Variants in RALGDS observed in about 807,000 individuals in gnomAD.
The protein encoded by RALGDS is ral guanine nucleotide dissociation stimulator, also known as ral guanine nucleotide exchange factor.
RALGDS carries 44 observed loss-of-function variants against 99.8 expected under a neutral mutation model. The ratio of observed to expected loss-of-function variants is 0.44; its 90% CI spans 0.35 to 0.57. RALGDS has a LOEUF of 0.57. Ranked by LOEUF, RALGDS falls within the 20% of genes least tolerant of loss-of-function variation. The pLI is 0.01. For missense variants in RALGDS, 1,022 were observed against 1,203.1 expected (o/e 0.85, Z 2.23); for synonymous variants, 529 against 505.0 (o/e 1.05, Z -0.64).
At chr9:133,102,663 G>A in intron 13 of RALGDS, 92 bp from the exon 14 acceptor site, 1 of 1,604,660 alleles carries the variant, frequency 6.2e-7, no homozygotes. Flanking sequence ...GGGTGCCCCG[G>A]CCATCCTCAG....
At position 133,107,165 on chromosome 9, in the gene RALGDS, T is replaced by C. The variant is rs1434336316; in HGVS notation, c.1333A>G (p.Ile445Val). The part of the protein sequence containing the change: ...TQFNSVANCV[I>V]TTCLGNRSTK... Reference sequence around the variant, plus strand: ...CTTCGGTTCCCGAGGCAGGTGGTGATGACACAGTTGGCCACACTGTTGAAC... The same window carrying C: ...CTTCGGTTCCCGAGGCAGGTGGTGACGACACAGTTGGCCACACTGTTGAAC... The change falls in exon 7 of 18, where the codon ATC becomes GTC. Residue 445 changes from isoleucine to valine, a missense_variant. Transcript: ENST00000372050. 6.2e-7 allele frequency: 1 copy of C among 1,613,748 alleles called. No individual in the cohort carries two copies. The highest frequency in any genetic ancestry group is 1.7e-5 in the Admixed American group (1 of 60,034).
At chr9:133,135,913 A>G (rs1832417308), upstream of RALGDS, among the ~76,000 whole-genome samples, 1 of 152,244 alleles carries the variant, frequency 6.6e-6, no homozygotes, top group Non-Finnish European at 1.5e-5. Context: ...ATACTTCTGT[A>G]AAATGCAGGT....
At chr9:133,129,853 TCGCCCAGG>T (rs1832281273) in intron 1 of RALGDS, among the ~76,000 whole-genome samples, 1 of 150,550 alleles carries the variant, frequency 6.6e-6, no homozygotes, top group East Asian at 2.0e-4. Context: ...TCTCGCTCTG[TCGCCCAGG>T]CTGGAGTGCA....
At chr9:133,141,451 G>A (rs1393238800) in intron 1 of RALGDS, among the ~76,000 whole-genome samples, 1 of 96,298 alleles carries the variant, frequency 1.0e-5, no homozygotes, top group South Asian at 2.7e-4. Context: ...GCCCCTATGG[G>A]AGCCCAAGGG....
Position 133,102,894 on chromosome 9 carries a change from C to T in RALGDS, c.1798G>A (p.Glu600Lys), listed in dbSNP as rs1468529104. 1.9e-6 allele frequency: 3 copies of T among 1,613,274 alleles called. No homozygotes were observed. Among genetic ancestry groups the T allele is most frequent in the South Asian group, 1.1e-5 (1 of 90,908 alleles). ...INFEKRRKEF[E>K]VIAQIKLLQS... ...AGCAGCTTGATCTGGGCGATCACCT[C>T]GAACTCCTGGGGCCAGAGGGAAGCA... The change falls in exon 13 of 18, where the codon GAG (glutamate) becomes AAG (lysine). Residue 600 changes from glutamate (E) to lysine (K), a missense_variant. This residue lies in a region of RALGDS where 825 missense variants were observed against 994.5 expected (regional missense o/e 0.83). Coordinates refer to ENST00000372050, the MANE Select transcript of RALGDS (RefSeq NM_006266.4).
Position 133,101,543 on chromosome 9 carries a change from C to T in RALGDS, c.2431G>A (p.Gly811Ser). ...ACCAGGATGCTCTTGTACATGTTGCCATTGTCCACGTCCAGGCTGACGCGG... is the reference window on the plus strand; with the variant it reads ...ACCAGGATGCTCTTGTACATGTTGCTATTGTCCACGTCCAGGCTGACGCGG... ...IIRVSLDVDNGNMYKSILVTS... is the reference protein window; with the variant it reads ...IIRVSLDVDNSNMYKSILVTS... The change falls in exon 16 of 18, where the codon GGC (glycine) becomes AGC (serine). Residue 811 changes from glycine (G) to serine (S), a missense_variant. By Grantham distance (56) the Gly-to-Ser change is moderately conservative. Around this residue, in one of 3 missense-constraint regions of RALGDS, gnomAD observed 825 missense variants for 994.5 expected, o/e 0.83. Coordinates refer to ENST00000372050, the MANE Select transcript of RALGDS (RefSeq NM_006266.4). The T allele has an allele frequency of 1.9e-6, 3 of 1,612,334 alleles. No homozygotes were observed. The highest frequency in any genetic ancestry group is 2.2e-5 in the East Asian group (1 of 44,888).
chr9:133,115,778 G>T (rs1387486121), intron 1 of RALGDS, among the ~76,000 whole-genome samples: 1 of 152,234 alleles, frequency 6.6e-6, no homozygotes, highest in Non-Finnish European at 1.5e-5. Context: ...AAACTTGTCT[G>T]AGGCCTGCCT....
rs374048075 is a variant in RALGDS at position 133,108,935 on chromosome 9, C to T, written c.585-69G>A. 1.0e-4 allele frequency: 147 copies of T among 1,461,410 alleles called. 1 individual carries two copies. The highest frequency in any genetic ancestry group is 5.8e-4 in the East Asian group (24 of 41,274). 90.5% of individuals were successfully genotyped at this position (1,461,410 alleles called of 1,614,324 possible). A position where few individuals can be genotyped will look rare whatever the true frequency, so the allele number is the denominator to read the frequency against. On this transcript the variant is annotated intron_variant, in intron 4 of 17. Transcript: ENST00000372050. ...CCTGAGCCAGGCTGGGCTCCTGAGC[C>T]GGCCCCTGTCCATCTGAAGGCCACC...
intron 1 of RALGDS, among the ~76,000 whole-genome samples, chr9:133,146,089 G>A (rs1052649575): frequency 6.6e-6 from 1 of 152,230 alleles, no homozygotes; most frequent in Non-Finnish European, 1.5e-5. Context: ...TGAACGGGTT[G>A]AAAATGAAGC....
upstream of RALGDS, among the ~76,000 whole-genome samples, chr9:133,124,677 C>T (rs1430921738): frequency 6.6e-6 from 1 of 152,204 alleles, no homozygotes; most frequent in African/African-American, 2.4e-5. Context: ...TGCCCAATGC[C>T]CTCAGATCGG....
Position 133,101,706 on chromosome 9 carries a change from G to A in RALGDS, c.2268C>T (p.Ser756=), listed in dbSNP as rs868721846. The A allele has an allele frequency of 6.2e-7, 1 of 1,613,994 alleles. No individual in the cohort carries two copies. Among genetic ancestry groups the A allele is most frequent in the Non-Finnish European group, 8.5e-7 (1 of 1,179,970 alleles). The change falls in exon 16 of 18, where the codon TCC becomes TCT. Residue 756 remains serine (S), a synonymous_variant. Coordinates refer to ENST00000372050, the MANE Select transcript of RALGDS (RefSeq NM_006266.4). ...AGGCTGAGGAGGACGAGGTGCTGCT[G>A]GAGGCTGAGCTGATGCCGGAGGTCT... ...SPETSGISSA[S]SSTSSSSAST...
chr9:133,130,146 A>G (rs1391489283), intron 1 of RALGDS, among the ~76,000 whole-genome samples: 1 of 151,850 alleles, frequency 6.6e-6, no homozygotes, highest in African/African-American at 2.4e-5. Context: ...TAATTTTTGT[A>G]TTTTTAGTAG....
At chr9:133,139,756 C>T (rs1381659984) in intron 1 of RALGDS, among the ~76,000 whole-genome samples, 2 of 152,226 alleles carry the variant, frequency 1.3e-5, no homozygotes, top group Non-Finnish European at 2.9e-5. Flanking sequence ...GGTGGGCCAT[C>T]GGCCATCTCC....
intron 1 of RALGDS, among the ~76,000 whole-genome samples, chr9:133,120,421 T>TCCC (rs1564244935): frequency 1.5e-5 from 1 of 64,714 alleles, no homozygotes; most frequent in African/African-American, 5.7e-5. Context: ...CTCCACCCCA[T>TCCC]CCCCCGACCC....
intron 10 of RALGDS, 55 bp from the exon 11 acceptor site, chr9:133,103,888 G>GC: frequency 6.5e-7 from 1 of 1,533,964 alleles, no homozygotes; most frequent in Non-Finnish European, 9.0e-7. Context: ...GGCTTTCTCA[G>GC]CCCCCAGCCC....
intron 1 of RALGDS, among the ~76,000 whole-genome samples, chr9:133,141,102 C>A (rs1832513534): frequency 6.6e-6 from 1 of 151,306 alleles, no homozygotes; most frequent in African/African-American, 2.4e-5. Flanking sequence ...GACCCAGGGT[C>A]ACACAGTGAG....
chr9:133,110,533 C>A (rs750415184), intron 2 of RALGDS, 44 bp from the exon 3 acceptor site: 7 of 1,541,728 alleles, frequency 4.5e-6, no homozygotes, highest in African/African-American at 1.4e-5. Flanking sequence ...TGGCAGCACA[C>A]GAATCTCCTG....
chr9:133,108,195 CGCTGGA>C lies in RALGDS; in HGVS notation c.984_989del (p.Pro331_Ala332del). 2 of 1,613,276 alleles carry C rather than the reference CGCTGGA, an allele frequency of 1.2e-6. No individual in the cohort carries two copies. The highest frequency in any genetic ancestry group is 2.2e-5 in the South Asian group (2 of 91,018). On this transcript the variant is annotated inframe_deletion, in exon 6 of 18. Transcript: ENST00000372050. ...GAGCTGGCTCTAGTTCCAGAGCTGG[CGCTGGA>C]GCCGATTCTAGTCCCACAGCTGGCT...
upstream of RALGDS, among the ~76,000 whole-genome samples, chr9:133,121,636 C>T (rs1276354310): frequency 2.0e-5 from 3 of 152,222 alleles, no homozygotes; most frequent in African/African-American, 7.2e-5. Flanking sequence ...CCCCGAATTC[C>T]AGCAAAGCCT....
Sources: gnomAD v4.1 joint callset for allele counts (sites outside exome capture counted in the v4.1 genomes callset) on GRCh38, gnomAD v4.1.1 for gene constraint, gnomAD v4.1.1 regional missense constraint, MANE v1.5 for transcripts, NCBI Gene and HGNC (gene_info 2026-07-23, HGNC 2026-07-21) for gene names.